Variants in ERC2 observed in about 807,000 individuals in gnomAD.
The protein encoded by ERC2 is ELKS/RAB6-interacting/CAST family member 2, also known as ERC protein 2.
ERC2 carries 42 observed loss-of-function variants against 114.8 expected under a neutral mutation model. The ratio of observed to expected loss-of-function variants is 0.37; its 90% CI spans 0.29 to 0.47. The LOEUF (loss-of-function observed/expected upper bound fraction) is 0.47. Ranked by LOEUF, ERC2 falls within the 20% of genes least tolerant of loss-of-function variation. The pLI is 0.99. For missense variants in ERC2, 939 were observed against 1,150.7 expected (o/e 0.82, Z 2.66); for synonymous variants, 454 against 425.5 (o/e 1.07, Z -0.82).
chr3:56,376,043 T>G (rs181906421), intron 2 of ERC2, among the ~76,000 whole-genome samples: 1 of 152,280 alleles, frequency 6.6e-6, no homozygotes, highest in Non-Finnish European at 1.5e-5. Flanking sequence ...TAGAAGCAGA[T>G]TCTTCCCCAG....
chr3:55,590,283 T>G (rs2057809271), intron 17 of ERC2, among the ~76,000 whole-genome samples: 1 of 152,154 alleles, frequency 6.6e-6, no homozygotes, highest in Non-Finnish European at 1.5e-5. Context: ...AAACAGGAGC[T>G]CTCTCATCCC....
intron 17 of ERC2, among the ~76,000 whole-genome samples, chr3:55,625,374 G>GAAAAAAAAAA (rs60450668): frequency 4.8e-4 from 58 of 119,848 alleles, no homozygotes; most frequent in Non-Finnish European, 6.2e-4. Context: ...CTCAAAAAAA[G>GAAAAAAAAAA]AAAAAAAAAA....
chr3:56,093,820 G>T (rs2149790236), intron 6 of ERC2, among the ~76,000 whole-genome samples: 1 of 152,190 alleles, frequency 6.6e-6, no homozygotes, highest in Admixed American at 6.5e-5. Context: ...TTGAAAAAAA[G>T]AAGAAGAAAT....
chr3:55,637,742 A>G (rs1001841285), intron 17 of ERC2, among the ~76,000 whole-genome samples: 1 of 152,114 alleles, frequency 6.6e-6, no homozygotes, highest in African/African-American at 2.4e-5. Flanking sequence ...TGCTCTCTCT[A>G]TCGAGCATCG....
chr3:56,419,501 T>C (rs548662667), intron 2 of ERC2, among the ~76,000 whole-genome samples: 13 of 152,208 alleles, frequency 8.5e-5, no homozygotes, highest in Non-Finnish European at 1.6e-4. Flanking sequence ...CTGAATACAC[T>C]TAGTGAATGC....
chr3:55,682,746 A>T (rs1479040864), intron 17 of ERC2, among the ~76,000 whole-genome samples: 1 of 152,210 alleles, frequency 6.6e-6, no homozygotes, highest in Non-Finnish European at 1.5e-5. Context: ...CTATAGATTG[A>T]ATACTTTCTG....
intron 17 of ERC2, among the ~76,000 whole-genome samples, chr3:55,532,524 C>T (rs889529554): frequency 6.6e-6 from 1 of 152,184 alleles, no homozygotes; most frequent in African/African-American, 2.4e-5. Context: ...GAGCATGAAC[C>T]AGGTGTCAAG....
intron 2 of ERC2, among the ~76,000 whole-genome samples, chr3:56,405,894 T>C (rs950951074): frequency 7.1e-6 from 1 of 141,006 alleles, no homozygotes; most frequent in Admixed American, 7.1e-5. Context: ...TTTCTTTTTT[T>C]TTTTTTTTTT....
chr3:55,728,727 G>A (rs2065071834), intron 15 of ERC2, among the ~76,000 whole-genome samples: 2 of 152,208 alleles, frequency 1.3e-5, no homozygotes, highest in Admixed American at 1.3e-4. Context: ...AACCCCCAGT[G>A]CAGGCCAAGA....
At chr3:55,516,074 T>G (rs1374689963) in intron 17 of ERC2, among the ~76,000 whole-genome samples, 1 of 152,196 alleles carries the variant, frequency 6.6e-6, no homozygotes, top group Non-Finnish European at 1.5e-5. Context: ...CGGCTTCAGA[T>G]GCCCCTAACA....
intron 17 of ERC2, among the ~76,000 whole-genome samples, chr3:55,635,463 T>C (rs2059922367): frequency 6.6e-6 from 1 of 152,008 alleles, no homozygotes; most frequent in South Asian, 2.1e-4. Flanking sequence ...CGATCTCAGC[T>C]CACTGCAACC....
At chr3:56,259,936 T>G (rs2052800949) in intron 3 of ERC2, among the ~76,000 whole-genome samples, 1 of 152,184 alleles carries the variant, frequency 6.6e-6, no homozygotes, top group Admixed American at 6.5e-5. Flanking sequence ...GCAGGAGAGA[T>G]GGAACCCCCG....
chr3:56,267,077 C>T (rs35215252), intron 3 of ERC2, among the ~76,000 whole-genome samples: 34,432 of 151,748 alleles, frequency 0.23, 4,558 homozygotes, highest in Non-Finnish European at 0.29. Context: ...ATTTTTTTTT[C>T]AGGTTTTGGA....
intron 15 of ERC2, among the ~76,000 whole-genome samples, chr3:55,730,409 T>C (rs898502738): frequency 1.3e-5 from 2 of 152,228 alleles, no homozygotes; most frequent in African/African-American, 2.4e-5. Context: ...AGATGATGTT[T>C]GTAAACTTAG....
rs372702864 is a variant in ERC2, at chr3:56,434,886, C to T, written c.122G>A (p.Gly41Asp). Residue 41 changes from glycine to aspartate, a missense_variant, in exon 2 of 18, where the codon GGC becomes GAC. By Grantham distance (94) the Gly-to-Asp change is moderately conservative. Coordinates refer to ENST00000288221, the MANE Select transcript of ERC2 (RefSeq NM_015576.3). ...RTSSGGGGGT[G>D]KTLSMENIQS... ...GATATTCTCCATAGACAGAGTCTTG[C>T]CTGTTCCTCCACCTCCCCCACTACT... The T allele has an allele frequency of 1.1e-5, 17 of 1,613,808 alleles. No homozygotes were observed. The highest frequency in any genetic ancestry group is 1.4e-5 in the Non-Finnish European group (17 of 1,179,860).
At chr3:55,895,273 A>G (rs1274905964) in intron 13 of ERC2, among the ~76,000 whole-genome samples, 2 of 152,306 alleles carry the variant, frequency 1.3e-5, no homozygotes, top group East Asian at 3.9e-4. Flanking sequence ...TAATTAAATC[A>G]AAATATTTGA....
chr3:55,887,731 G>A (rs2063414966), intron 14 of ERC2, among the ~76,000 whole-genome samples: 1 of 152,122 alleles, frequency 6.6e-6, no homozygotes. Context: ...AGGACCACAG[G>A]AACAACCATT....
chr3:55,672,519 A>T (rs545729867), intron 17 of ERC2, among the ~76,000 whole-genome samples: 1 of 152,180 alleles, frequency 6.6e-6, no homozygotes, highest in East Asian at 1.9e-4. Context: ...TTCTTACTCT[A>T]TAAAATGGGC....
intron 14 of ERC2, among the ~76,000 whole-genome samples, chr3:55,858,312 C>T (rs183795159): frequency 1.3e-5 from 2 of 152,230 alleles, no homozygotes; most frequent in Non-Finnish European, 2.9e-5. Flanking sequence ...TATTACATGT[C>T]TTTGTTACAT....
Sources: allele counts gnomAD v4.1 joint callset (sites outside exome capture counted in the v4.1 genomes callset), GRCh38; gene constraint gnomAD v4.1.1; transcripts MANE v1.5; gene names NCBI Gene and HGNC (gene_info 2026-07-23, HGNC 2026-07-21).